The following IQCK variants were observed in gnomAD, a reference collection of about 807,000 sequenced individuals.
IQCK encodes IQ motif containing K.
IQCK carries 29 observed loss-of-function variants against 28.1 expected under a neutral mutation model. The observed-to-expected ratio is 1.03, with a 90% CI of 0.77 to 1.41. The LOEUF (loss-of-function observed/expected upper bound fraction) is 1.41, where lower values mean the gene tolerates loss of function less well. Ranked by LOEUF, IQCK falls within the 40% of genes most tolerant of loss-of-function variation. The pLI is 0.00. For synonymous variants in IQCK, 113 were observed against 115.1 expected (o/e 0.98, Z 0.12); for missense variants, 359 against 314.7 (o/e 1.14, Z -1.07).
At chr16:19,822,935 C>G (rs1469361808) in intron 7 of IQCK, among the ~76,000 whole-genome samples, 2 of 151,810 alleles carry the variant, frequency 1.3e-5, no homozygotes, top group African/African-American at 4.8e-5. Flanking sequence ...GACAACAAGG[C>G]TCTTTGATGT....
intron 7 of IQCK, among the ~76,000 whole-genome samples, chr16:19,814,124 G>A (rs571632203): frequency 3.3e-5 from 5 of 150,396 alleles, no homozygotes; most frequent in African/African-American, 1.2e-4. Flanking sequence ...GGAGGCTGAG[G>A]CAGGAGAATT....
At chr16:19,805,534 T>C (rs1208647968) in intron 7 of IQCK, among the ~76,000 whole-genome samples, 3 of 152,180 alleles carry the variant, frequency 2.0e-5, no homozygotes, top group Non-Finnish European at 2.9e-5. Flanking sequence ...TTGCATTCTT[T>C]CAGGAGACTG....
At chr16:19,855,463 C>T (rs531630496) in intron 9 of IQCK, among the ~76,000 whole-genome samples, 15 of 152,200 alleles carry the variant, frequency 9.9e-5, no homozygotes, top group African/African-American at 2.9e-4. Context: ...TGGTGGTGCA[C>T]GCCTGTAGCT....
intron 6 of IQCK, among the ~76,000 whole-genome samples, chr16:19,785,605 GAGTCTTTGTTTGCATAGA>G (rs1296245831): frequency 2.0e-5 from 3 of 152,176 alleles, no homozygotes; most frequent in Non-Finnish European, 4.4e-5. Flanking sequence ...ATTGCGGGCC[GAGTCTTTGTTTGCATAGA>G]AGTCTTTGTT....
At chr16:19,782,447 C>G (rs2055500468) in intron 6 of IQCK, among the ~76,000 whole-genome samples, 1 of 151,616 alleles carries the variant, frequency 6.6e-6, no homozygotes, top group South Asian at 2.1e-4. Flanking sequence ...TAGTGAGACC[C>G]TGTCTCTACA....
chr16:19,718,979 G>A (rs1436595212), intron 1 of IQCK, among the ~76,000 whole-genome samples: 3 of 152,304 alleles, frequency 2.0e-5, no homozygotes, highest in African/African-American at 7.2e-5. Context: ...GGACAAACGG[G>A]TTTTAGTCCC....
At chr16:19,718,329 C>G (rs1400658334) in exon 1 of IQCK, 5 of 1,609,210 alleles carry the variant, frequency 3.1e-6, no homozygotes, top group Admixed American at 1.7e-5. Context: ...CGGCAAATCC[C>G]CAGCCACATA....
At chr16:19,790,691 A>G (rs1364106822) in intron 7 of IQCK, among the ~76,000 whole-genome samples, 1 of 112,276 alleles carries the variant, frequency 8.9e-6, no homozygotes, top group Non-Finnish European at 1.6e-5. Flanking sequence ...TGTATGAGTC[A>G]GTATTGTCCA....
chr16:19,743,639 C>G (rs2054867653), intron 4 of IQCK, among the ~76,000 whole-genome samples: 1 of 152,198 alleles, frequency 6.6e-6, no homozygotes. Flanking sequence ...CAGGGCTAAC[C>G]AAGAAGCTTA....
chr16:19,791,400 ACT>A (rs1468420429), intron 7 of IQCK, among the ~76,000 whole-genome samples: 1 of 109,240 alleles, frequency 9.2e-6, no homozygotes, highest in Non-Finnish European at 1.6e-5. Context: ...ACAGAGTGAG[ACT>A]CTGTCTCAAT....
At chr16:19,808,352 C>G (rs1490533021) in intron 7 of IQCK, among the ~76,000 whole-genome samples, 2 of 152,160 alleles carry the variant, frequency 1.3e-5, no homozygotes, top group Non-Finnish European at 2.9e-5. Flanking sequence ...TTTGCTCAGT[C>G]ACAATGTACC....
chr16:19,853,138 G>A (rs1017917682), intron 9 of IQCK, among the ~76,000 whole-genome samples: 2 of 152,108 alleles, frequency 1.3e-5, no homozygotes, highest in Admixed American at 1.3e-4. Flanking sequence ...GGAATCATTT[G>A]TATTCACTGT....
chr16:19,823,526 G>A (rs753903417), intron 7 of IQCK, among the ~76,000 whole-genome samples: 1 of 152,126 alleles, frequency 6.6e-6, no homozygotes, highest in Non-Finnish European at 1.5e-5. Flanking sequence ...AGGGGACCAC[G>A]GCCTAGAGAG....
At chr16:19,726,739 C>T (rs1977666854) in intron 1 of IQCK, among the ~76,000 whole-genome samples, 1 of 152,138 alleles carries the variant, frequency 6.6e-6, no homozygotes, top group Non-Finnish European at 1.5e-5. Context: ...TGGTTCTGTT[C>T]ATCCATTCGT....
intron 2 of IQCK, among the ~76,000 whole-genome samples, chr16:19,731,337 T>C (rs199799008): frequency 6.6e-6 from 1 of 152,208 alleles, no homozygotes; most frequent in African/African-American, 2.4e-5. Context: ...ATGAAGGGAC[T>C]TGAGCACGGT....
intron 5 of IQCK, 65 bp from the exon 6 acceptor site, chr16:19,763,970 C>G: frequency 6.3e-7 from 1 of 1,592,340 alleles, no homozygotes; most frequent in Non-Finnish European, 8.6e-7. Flanking sequence ...AGCAGAATAG[C>G]AACAACTGAC....
rs529701423 is a variant in IQCK, at chr16:19,783,779, G to A, written c.606-5059G>A. On this transcript the variant is annotated intron_variant, in intron 6 of 7. Coordinates refer to ENST00000564186, the Ensembl canonical transcript of IQCK. ...CCCATTATCTAGCTATGAAAGCAGG[G>A]ATGTCACTAAAGGTGGCCTCTTATT... Among the ~76,000 whole-genome samples the A allele has an allele frequency of 2.0e-5, 3 of 152,288 alleles. No homozygotes were observed. The East Asian group carries it at 5.8e-4, about 29-fold the overall frequency.
intron 6 of IQCK, among the ~76,000 whole-genome samples, chr16:19,767,648 G>A (rs1234402757): frequency 6.6e-6 from 1 of 152,074 alleles, no homozygotes; most frequent in Non-Finnish European, 1.5e-5. Context: ...CTAGGGTCTC[G>A]GGCTTTTATA....
chr16:19,733,640 A>C, intron 2 of IQCK, 58 bp from the exon 3 acceptor site: 1 of 1,596,180 alleles, frequency 6.3e-7, no homozygotes, highest in Non-Finnish European at 8.5e-7. Context: ...TTATACCAGA[A>C]AATGCAATTA....
Sources: gnomAD v4.1 joint callset for allele counts (sites outside exome capture counted in the v4.1 genomes callset) on GRCh38, gnomAD v4.1.1 for gene constraint, MANE v1.5 for transcripts, NCBI Gene and HGNC (gene_info 2026-07-23, HGNC 2026-07-21) for gene names.